USP42: variants seen among roughly 807,000 people sequenced by gnomAD.
The protein encoded by USP42 is ubiquitin specific peptidase 42, also known as ubiquitin carboxyl-terminal hydrolase 42.
A neutral mutation model predicts 113.0 loss-of-function variants in USP42; 23 were observed. The ratio of observed to expected loss-of-function variants is 0.20; its 90% CI spans 0.15 to 0.29. The LOEUF is 0.29. Ranked by LOEUF, USP42 falls within the 10% of genes least tolerant of loss-of-function variation. The pLI, the probability that USP42 is intolerant of heterozygous loss-of-function variation, is 1.00. For missense variants in USP42, 2,174 were observed against 1,779.8 expected (o/e 1.22, Z -3.99); for synonymous variants, 933 against 699.0 (o/e 1.33, Z -5.28).
At chr7:6,148,691 C>G (rs11535148) in intron 12 of USP42, among the ~76,000 whole-genome samples, 1 of 152,104 alleles carries the variant, frequency 6.6e-6, no homozygotes, top group African/African-American at 2.4e-5. Flanking sequence ...CTCATCTGAG[C>G]TGTGGCATCT....
the USP42 span, among the ~76,000 whole-genome samples, chr7:6,085,643 CTT>C: frequency 2.1e-5 from 3 of 144,648 alleles, no homozygotes; most frequent in African/African-American, 8.0e-5. Flanking sequence ...GAGATGGAGT[CTT>C]GCTCCGTTGC....
At position 6,153,853 on chromosome 7, in the gene USP42, G is replaced by A. The variant is rs1401469810; in HGVS notation, c.2299G>A (p.Ala767Thr). The A allele has an allele frequency of 1.9e-6, 3 of 1,548,838 alleles. No individual in the cohort carries two copies. Among genetic ancestry groups the A allele is most frequent in the Non-Finnish European group, 1.7e-6 (2 of 1,147,346 alleles). The change falls in exon 15 of 18, where the codon GCC becomes ACC. Residue 767 changes from alanine to threonine, a missense_variant. Physicochemically the swap from Ala to Thr is moderately conservative, Grantham distance 58. Transcript: ENST00000306177. Reference sequence around the variant, plus strand: ...ATCCCTGGAGGAGCCAGATGCGGCCGCCGGCCTCAGCAGCACCAAGAAGGC... The same window carrying A: ...ATCCCTGGAGGAGCCAGATGCGGCCACCGGCCTCAGCAGCACCAAGAAGGC... ...AESLEEPDAA[A>T]GLSSTKKAPP...
chr7:6,143,202 C>T (rs779751532), intron 8 of USP42, among the ~76,000 whole-genome samples, 188 bp downstream of exon 8: 6 of 152,094 alleles, frequency 3.9e-5, no homozygotes, highest in African/African-American at 1.2e-4. Flanking sequence ...CTGCAAGATG[C>T]GCAGCTCTGT....
chr7:6,120,655 C>T (rs562447543), intron 3 of USP42, among the ~76,000 whole-genome samples: 15 of 152,232 alleles, frequency 9.9e-5, no homozygotes, highest in Non-Finnish European at 2.1e-4. Context: ...ACAATCTCGG[C>T]TCACTGCACC....
Position 6,159,586 on chromosome 7 carries a change from GC to G in USP42, c.*36+94del. On this transcript the variant is annotated intron_variant, in intron 17 of 17. Coordinates refer to ENST00000306177, the MANE Select transcript of USP42 (RefSeq NM_032172.3). The surrounding 1 kb of genome is among the most constrained non-coding windows in gnomAD (Gnocchi z 4.1). ...TTTAATTCTGCGGCTCTGCCTGGGG[GC>G]TGGGCTCATAGGAGTTGGCAGAGCC... 1 of 1,346,220 alleles carries G rather than the reference GC, an allele frequency of 7.4e-7. No individual in the cohort carries two copies. Among genetic ancestry groups the G allele is most frequent in the Non-Finnish European group, 1.0e-6 (1 of 960,008 alleles). 83.4% of individuals were successfully genotyped at this position (1,346,220 alleles called of 1,614,324 possible).
intron 3 of USP42, among the ~76,000 whole-genome samples, chr7:6,131,313 T>C (rs571839600): frequency 1.3e-5 from 2 of 152,020 alleles, no homozygotes; most frequent in East Asian, 3.9e-4. Context: ...CTGTCTCTAC[T>C]GAAATACAAA....
rs1052181120 is a variant in USP42 at position 6,155,030 on chromosome 7, C to G, written c.3476C>G (p.Ser1159Cys). 3 of 1,563,786 alleles carry G rather than the reference C, an allele frequency of 1.9e-6. No homozygotes were observed. Among genetic ancestry groups the G allele is most frequent in the Middle Eastern group, 3.3e-4 (2 of 6,034 alleles). ...TTTCACGAACACGAAAATGGAAAGT[C>G]CCGGAAACGGAGACACGACAGTGTG... ...DRFHEHENGK[S>C]RKRRHDSVEN... The change falls in exon 15 of 18, where the codon TCC becomes TGC. Residue 1159 changes from serine (S) to cysteine (C), a missense_variant. Coordinates refer to ENST00000306177, the MANE Select transcript of USP42 (RefSeq NM_032172.3).
In USP42 at chr7:6,149,769, A is replaced by C; in HGVS notation, c.1573A>C (p.Ser525Arg). 6.2e-7 allele frequency: 1 copy of C among 1,614,020 alleles called. No individual in the cohort carries two copies. Among genetic ancestry groups the C allele is most frequent in the Non-Finnish European group, 8.5e-7 (1 of 1,179,890 alleles). ...TCCTAAGAAACAAAAAATTACAATCAGTATTCACAACAAGTTGCCTGTTCG... is the reference window on the plus strand; with the variant it reads ...TCCTAAGAAACAAAAAATTACAATCCGTATTCACAACAAGTTGCCTGTTCG... ...EHPKKQKITI[S>R]IHNKLPVRQC... Residue 525 changes from serine to arginine, a missense_variant, in exon 13 of 18, where the codon AGT becomes CGT. Ser to Arg is a moderately radical substitution (Grantham distance 110, BLOSUM62 -1). Transcript: ENST00000306177.
chr7:6,121,819 C>G (rs1007043915), intron 3 of USP42, among the ~76,000 whole-genome samples: 2 of 152,156 alleles, frequency 1.3e-5, no homozygotes, highest in African/African-American at 4.8e-5. Flanking sequence ...TCACCACACA[C>G]AGCTAATTTT....
the USP42 span, among the ~76,000 whole-genome samples, chr7:6,095,698 T>A: frequency 6.6e-6 from 1 of 151,022 alleles, no homozygotes; most frequent in Non-Finnish European, 1.5e-5. Flanking sequence ...AGAGGTCTCT[T>A]TGGGGCAGGA....
At chr7:6,092,093 C>CTTA in the USP42 span, among the ~76,000 whole-genome samples, 1 of 137,850 alleles carries the variant, frequency 7.3e-6, no homozygotes, top group Non-Finnish European at 1.5e-5. Context: ...TCTTCTTCTT[C>CTTA]TTCCTCCTCT....
rs778412277 is a variant in USP42, at chr7:6,153,885, G to A, written c.2331G>A (p.Pro777=). The change falls in exon 15 of 18, where the codon CCG becomes CCA. Residue 777 remains proline, a synonymous_variant. Transcript: ENST00000306177. ...AGLSSTKKAP[P]PRDPGTPATK... is the part of the protein sequence containing the mutation. ...TCAGCAGCACCAAGAAGGCTCCGCC[G>A]CCCCGCGATCCCGGCACCCCCGCTA... The A allele has an allele frequency of 6.4e-7, 1 of 1,572,876 alleles. No homozygotes were observed. The highest frequency in any genetic ancestry group is 1.9e-5 in the Admixed American group (1 of 53,568).
chr7:6,087,278 G>A, the USP42 span, among the ~76,000 whole-genome samples: 8 of 149,790 alleles, frequency 5.3e-5, no homozygotes, highest in South Asian at 2.1e-4. Flanking sequence ...TGATCTGCCC[G>A]CCTTGGCCTA....
At position 6,135,845 on chromosome 7, in the gene USP42, T is replaced by C. The variant is rs754627839; in HGVS notation, c.447T>C (p.His149=). The change falls in exon 4 of 18, where the codon CAT becomes CAC. Residue 149 remains histidine (H), a synonymous_variant. Transcript: ENST00000306177. ...MLSHEHSKTC[H]AEGFCMMCTM... Reference sequence around the variant, plus strand: ...GGATTATCATCTATCTTTCAGGTCATGCAGAAGGCTTTTGTATGATGTGTA... The same window carrying C: ...GGATTATCATCTATCTTTCAGGTCACGCAGAAGGCTTTTGTATGATGTGTA... 2.5e-6 allele frequency: 4 copies of C among 1,594,452 alleles called. No individual in the cohort carries two copies. Among genetic ancestry groups the C allele is most frequent in the Non-Finnish European group, 3.4e-6 (4 of 1,172,074 alleles).
the USP42 span, among the ~76,000 whole-genome samples, chr7:6,096,363 G>A: frequency 4.0e-5 from 6 of 151,268 alleles, 1 homozygote; most frequent in South Asian, 2.1e-4. Flanking sequence ...GGGTTTTATG[G>A]GGTGATGGAG....
chr7:6,146,681 A>C (rs1781734821), intron 11 of USP42, among the ~76,000 whole-genome samples: 1 of 152,098 alleles, frequency 6.6e-6, no homozygotes, highest in African/African-American at 2.4e-5. Context: ...ACCAAAAACC[A>C]TCAACTCTGC....
At chr7:6,140,216 T>G in intron 6 of USP42, 21 bp downstream of exon 6, 1 of 1,593,320 alleles carries the variant, frequency 6.3e-7, no homozygotes, top group Non-Finnish European at 8.6e-7. Context: ...GCTTATAAGT[T>G]GATAAAATGA....
intron 3 of USP42, among the ~76,000 whole-genome samples, chr7:6,118,241 A>T (rs1780023052): frequency 6.6e-6 from 1 of 152,092 alleles, no homozygotes; most frequent in Admixed American, 6.6e-5. Flanking sequence ...ATATAAAAAA[A>T]ATCAAAAATT....
At chr7:6,137,219 G>A (rs1781197218) in intron 4 of USP42, among the ~76,000 whole-genome samples, 1 of 152,216 alleles carries the variant, frequency 6.6e-6, no homozygotes, top group African/African-American at 2.4e-5. Flanking sequence ...GAAAGCCACT[G>A]AAGATTAAAG....
Sources: gnomAD v4.1 joint callset for allele counts (sites outside exome capture counted in the v4.1 genomes callset) on GRCh38, gnomAD v4.1.1 for gene constraint, Gnocchi (gnomAD v3.1) non-coding constraint, MANE v1.5 for transcripts, NCBI Gene and HGNC (gene_info 2026-07-23, HGNC 2026-07-21) for gene names.